The following MAP4 variants were observed in gnomAD, a reference collection of about 807,000 sequenced individuals.
MAP4 encodes the protein microtubule-associated protein 4.
Under a neutral mutation model 170.2 loss-of-function variants are expected in MAP4, and 76 were observed. The ratio of observed to expected loss-of-function variants is 0.45; its 90% CI spans 0.37 to 0.54. The LOEUF is 0.54. Among genes scored for constraint, MAP4 ranks in the 20% least tolerant of loss-of-function variants. The pLI is 0.00. For missense variants in MAP4, 2,506 were observed against 2,748.0 expected (o/e 0.91, Z 1.97); for synonymous variants, 909 against 994.5 (o/e 0.91, Z 1.62).
Position 47,936,348 on chromosome 3 carries a change from C to T in MAP4, c.293-7998G>A, listed in dbSNP as rs547244104. Among the ~76,000 whole-genome samples, 10 of 151,698 alleles carry T rather than the reference C, an allele frequency of 6.6e-5. No homozygotes were observed. The South Asian group carries it at 1.5e-3, about 22-fold the overall frequency. On this transcript the variant is annotated intron_variant, in intron 3 of 20. Transcript: ENST00000683076. ...TACTCGGGAGGCTGAGGCAGAATTG[C>T]TTGAACCTGGGAGGCAGAGGTTGCA...
chr3:47,973,887 T>A, intron 3 of MAP4: 2 of 985,342 alleles, frequency 2.0e-6, no homozygotes, highest in Non-Finnish European at 2.4e-6. Flanking sequence ...AGAGTTTTAA[T>A]ATTTTATCAA....
chr3:47,950,730 G>C (rs553544042), intron 3 of MAP4, among the ~76,000 whole-genome samples: 142 of 152,284 alleles, frequency 9.3e-4, no homozygotes, highest in African/African-American at 3.2e-3. Context: ...GTAACCTTTA[G>C]TAACTACAGA....
chr3:48,057,912 CTG>C (rs978733206), intron 1 of MAP4, among the ~76,000 whole-genome samples: 11 of 152,108 alleles, frequency 7.2e-5, no homozygotes, highest in African/African-American at 1.7e-4. Flanking sequence ...TTTTAAAAAA[CTG>C]TGTTTAAAAA....
At chr3:48,034,619 G>A (rs1384275759) in intron 1 of MAP4, among the ~76,000 whole-genome samples, 8 of 152,030 alleles carry the variant, frequency 5.3e-5, no homozygotes, top group Non-Finnish European at 1.0e-4. Flanking sequence ...CATGAGAATC[G>A]CTTGAACCTG....
Position 47,910,014 on chromosome 3 carries a change from G to A in MAP4, c.4407C>T (p.Ala1469=). 2.5e-6 allele frequency: 4 copies of A among 1,613,976 alleles called. No homozygotes were observed. The South Asian group carries it at 3.3e-5, about 13-fold the overall frequency. Residue 1469 remains alanine (A), a synonymous_variant, in exon 9 of 21, where the codon GCC becomes GCT. Transcript: ENST00000683076. The stretch of plus-strand genomic sequence containing the variant: ...TTAATGATTTGGAAATCTGGGCTGG[G>A]GCTATCTCTTGCCCATTTTTTGCCA... ...DTLAKNGQEI[A]PAQISKSLMV...
At chr3:47,876,022 A>G in intron 11 of MAP4, 122 bp from the exon 12 acceptor site, 2 of 665,172 alleles carry the variant, frequency 3.0e-6, no homozygotes, top group Non-Finnish European at 5.1e-6. Context: ...ATTATAAGCA[A>G]TGAGGATAGA....
At chr3:47,980,896 G>A (rs550556463) in intron 2 of MAP4, among the ~76,000 whole-genome samples, 17 of 152,276 alleles carry the variant, frequency 1.1e-4, no homozygotes, top group African/African-American at 4.1e-4. Context: ...GATATCCAGC[G>A]AGTGGTATAA....
chr3:47,912,610 C>T (rs771761273), intron 8 of MAP4, among the ~76,000 whole-genome samples, 189 bp from the exon 9 acceptor site: 3 of 152,090 alleles, frequency 2.0e-5, no homozygotes, highest in East Asian at 1.9e-4. Flanking sequence ...TTTTAACTGG[C>T]GCTAGCAAAA....
chr3:48,011,848 T>G (rs1191025338), intron 1 of MAP4, among the ~76,000 whole-genome samples: 2 of 152,196 alleles, frequency 1.3e-5, no homozygotes, highest in Non-Finnish European at 2.9e-5. Flanking sequence ...TTATTAGTAG[T>G]TATCCTTTGG....
intron 1 of MAP4, among the ~76,000 whole-genome samples, chr3:48,033,309 C>A (rs920934841): frequency 2.0e-5 from 3 of 152,158 alleles, no homozygotes; most frequent in African/African-American, 4.8e-5. Flanking sequence ...ACATAGCTCT[C>A]CTTTTTAAAA....
At chr3:47,931,414 A>G (rs1353931875) in intron 3 of MAP4, among the ~76,000 whole-genome samples, 2 of 152,148 alleles carry the variant, frequency 1.3e-5, no homozygotes, top group African/African-American at 4.8e-5. Context: ...AGCAATTTTG[A>G]GAATGTGTAA....
chr3:47,996,331 G>A (rs933387883), intron 2 of MAP4, among the ~76,000 whole-genome samples: 6 of 152,086 alleles, frequency 3.9e-5, no homozygotes, highest in Non-Finnish European at 7.4e-5. Context: ...GGATAATAAC[G>A]TTGAGAAAGA....
At chr3:48,025,363 AC>A (rs1219202165) in intron 1 of MAP4, among the ~76,000 whole-genome samples, 2 of 147,062 alleles carry the variant, frequency 1.4e-5, no homozygotes, top group Non-Finnish European at 3.0e-5. Context: ...ATCTCGGCTC[AC>A]TGCCACCTCT....
rs1343076835 is a variant in MAP4 at position 47,853,357 on chromosome 3, A to C, written c.6697-5T>G. The C allele has an allele frequency of 6.3e-7, 1 of 1,598,388 alleles. No individual in the cohort carries two copies. Among genetic ancestry groups the C allele is most frequent in the Non-Finnish European group, 8.5e-7 (1 of 1,174,724 alleles). ...CTCGCTGCCACCGCCCTCAGTCTAC[A>C]ATGAAACAGTGGGGGAGACAGTGCA... On this transcript the variant is annotated splice_polypyrimidine_tract_variant and splice_region_variant and intron_variant, in intron 19 of 20. Transcript: ENST00000683076.
upstream of MAP4, among the ~76,000 whole-genome samples, chr3:48,020,959 A>G (rs905035003): frequency 6.6e-6 from 1 of 152,204 alleles, no homozygotes; most frequent in Non-Finnish European, 1.5e-5. Flanking sequence ...CTACTGCACC[A>G]AAAATCTCAG....
intron 1 of MAP4, among the ~76,000 whole-genome samples, chr3:48,064,244 A>G (rs1339199814): frequency 6.6e-6 from 1 of 152,184 alleles, no homozygotes; most frequent in Non-Finnish European, 1.5e-5. Flanking sequence ...TCATTATTGT[A>G]AAACCCAAGA....
chr3:47,874,871 A>G (rs1576902852), intron 12 of MAP4, among the ~76,000 whole-genome samples: 1 of 150,962 alleles, frequency 6.6e-6, no homozygotes, highest in Non-Finnish European at 1.5e-5. Flanking sequence ...ACATTTTAAC[A>G]TGGGAAACTA....
At chr3:47,964,489 C>A (rs1385757883) in intron 3 of MAP4, among the ~76,000 whole-genome samples, 1 of 152,012 alleles carries the variant, frequency 6.6e-6, no homozygotes, top group East Asian at 1.9e-4. Flanking sequence ...TGGTTTTTTT[C>A]TTCTTTTTCT....
intron 3 of MAP4, among the ~76,000 whole-genome samples, chr3:47,964,492 C>CT (rs2100073653): frequency 1.3e-5 from 2 of 152,138 alleles, no homozygotes; most frequent in Admixed American, 1.3e-4. Context: ...TTTTTTTCTT[C>CT]TTTTTCTTCT....
Sources: allele counts gnomAD v4.1 joint callset (sites outside exome capture counted in the v4.1 genomes callset), GRCh38; gene constraint gnomAD v4.1.1; transcripts MANE v1.5; gene names NCBI Gene and HGNC (gene_info 2026-07-23, HGNC 2026-07-21).